Variants in NPAS3 observed in about 807,000 individuals in gnomAD.
NPAS3 encodes the protein neuronal PAS domain protein 3, also known as neuronal PAS domain-containing protein 3.
A neutral mutation model predicts 73.1 loss-of-function variants in NPAS3; 14 were observed. That is an observed-to-expected ratio of 0.19 (90% CI 0.13 to 0.30). The LOEUF is 0.30. Among genes scored for constraint, NPAS3 ranks in the 10% least tolerant of loss-of-function variants. The pLI, the probability that NPAS3 is intolerant of heterozygous loss-of-function variation, is 1.00. For synonymous variants in NPAS3, 620 were observed against 541.5 expected (o/e 1.14, Z -2.01); for missense variants, 1,096 against 1,250.0 (o/e 0.88, Z 1.86).
At chr14:33,728,663 T>C (rs2061331721) in intron 6 of NPAS3, among the ~76,000 whole-genome samples, 1 of 152,146 alleles carries the variant, frequency 6.6e-6, no homozygotes, top group Admixed American at 6.6e-5. Context: ...TAAAAGCCGT[T>C]ACCCGCTTCA....
intron 2 of NPAS3, among the ~76,000 whole-genome samples, chr14:33,146,391 G>C (rs184124487): frequency 6.6e-6 from 1 of 152,284 alleles, no homozygotes; most frequent in African/African-American, 2.4e-5. Context: ...TCCCCATCTT[G>C]AGGAAACTCT....
At position 33,794,810 on chromosome 14, in the gene NPAS3, C is replaced by A. The variant is rs184340812; in HGVS notation, c.1301+766C>A. Reference sequence around the variant, plus strand: ...CTAGCAGAAAAGTAACCAAGACCCACAGATTGGGCCATCTTGAGTTTGGGG... The same window carrying A: ...CTAGCAGAAAAGTAACCAAGACCCAAAGATTGGGCCATCTTGAGTTTGGGG... On this transcript the variant is annotated intron_variant, in intron 10 of 11. Coordinates refer to ENST00000356141, the Ensembl canonical transcript of NPAS3. 5.3e-5 allele frequency among the ~76,000 whole-genome samples: 8 copies of A among 152,274 alleles called. No individual in the cohort carries two copies. In the East Asian group the frequency reaches 1.4e-3, roughly 26 times the overall value.
At chr14:33,117,106 G>A (rs1595482811) in intron 2 of NPAS3, among the ~76,000 whole-genome samples, 1 of 151,800 alleles carries the variant, frequency 6.6e-6, no homozygotes, top group South Asian at 2.1e-4. Context: ...ATTTATGGGG[G>A]TACAATGTGA....
At chr14:33,611,846 A>T (rs1203766765) in intron 5 of NPAS3, among the ~76,000 whole-genome samples, 2 of 152,348 alleles carry the variant, frequency 1.3e-5, no homozygotes, top group African/African-American at 2.4e-5. Flanking sequence ...TATTTAACTC[A>T]TCATTTTCCT....
chr14:33,492,991 G>A (rs1355519697), intron 4 of NPAS3, among the ~76,000 whole-genome samples: 1 of 152,146 alleles, frequency 6.6e-6, no homozygotes, highest in East Asian at 1.9e-4. Context: ...CTCAGGATAT[G>A]CATTTTGTTT....
intron 4 of NPAS3, among the ~76,000 whole-genome samples, chr14:33,389,496 A>C (rs1389820939): frequency 6.6e-6 from 1 of 152,166 alleles, no homozygotes; most frequent in Non-Finnish European, 1.5e-5. Context: ...GTAGAACTAG[A>C]CACTTAGGTT....
rs181652266 is a variant in NPAS3 at position 33,450,152 on chromosome 14, A to G, written c.468+82884A>G. Among the ~76,000 whole-genome samples the G allele has an allele frequency of 3.2e-4, 49 of 152,314 alleles. 2 individuals carry two copies. Among genetic ancestry groups the G allele is most frequent in the Admixed American group, 2.9e-3 (44 of 15,294 alleles). Reference sequence around the variant, plus strand: ...TTCTTACAGGCAGTGCCACAATTTCATGTAAAGGACAGCTGGCTGCTCTTC... The same window carrying G: ...TTCTTACAGGCAGTGCCACAATTTCGTGTAAAGGACAGCTGGCTGCTCTTC... On this transcript the variant is annotated intron_variant, in intron 4 of 11. Coordinates refer to ENST00000356141, the Ensembl canonical transcript of NPAS3.
intron 2 of NPAS3, among the ~76,000 whole-genome samples, chr14:33,067,448 G>A (rs1001260748): frequency 6.6e-6 from 1 of 152,214 alleles, no homozygotes; most frequent in African/African-American, 2.4e-5. Context: ...CATAGAAATG[G>A]ATGAATGTCA....
chr14:33,307,805 G>A lies in NPAS3; in HGVS notation c.386-59381G>A, dbSNP rs76299532. ...CATTTCATCACTGAAGCATGCTGTT[G>A]TAGTTTAGTCCCTAATTACTCTCAG... is the stretch of plus-strand genomic sequence containing the variant. On this transcript the variant is annotated intron_variant, in intron 3 of 11. Coordinates refer to ENST00000356141, the Ensembl canonical transcript of NPAS3. Among the ~76,000 whole-genome samples, 369 of 152,188 alleles carry A rather than the reference G, an allele frequency of 2.4e-3. 2 individuals carry two copies. Among genetic ancestry groups the A allele is most frequent in the African/African-American group, 8.7e-3 (359 of 41,502 alleles).
chr14:33,088,469 A>G (rs1383861202), intron 2 of NPAS3, among the ~76,000 whole-genome samples: 1 of 152,190 alleles, frequency 6.6e-6, no homozygotes, highest in Non-Finnish European at 1.5e-5. Context: ...TCGAACTGCA[A>G]GGCAGGAGTG....
chr14:33,596,885 T>C (rs2057258174), intron 5 of NPAS3, among the ~76,000 whole-genome samples: 1 of 152,168 alleles, frequency 6.6e-6, no homozygotes, highest in Non-Finnish European at 1.5e-5. Flanking sequence ...TGAAGAAACA[T>C]GGGCCAGGCT....
chr14:33,785,868 CA>C (rs1250280824), intron 9 of NPAS3, among the ~76,000 whole-genome samples: 2 of 152,160 alleles, frequency 1.3e-5, no homozygotes, highest in Non-Finnish European at 2.9e-5. Flanking sequence ...AAGACTTGAT[CA>C]AAAGATCAAG....
intron 5 of NPAS3, among the ~76,000 whole-genome samples, chr14:33,603,764 G>T (rs2057470628): frequency 6.6e-6 from 1 of 152,078 alleles, no homozygotes; most frequent in Non-Finnish European, 1.5e-5. Flanking sequence ...CAACGGGAGT[G>T]AATATATTGA....
At chr14:33,663,832 A>G (rs2059378162) in intron 5 of NPAS3, among the ~76,000 whole-genome samples, 1 of 152,058 alleles carries the variant, frequency 6.6e-6, no homozygotes, top group Admixed American at 6.5e-5. Context: ...TTATTTGCAT[A>G]GAGGTGTTTA....
chr14:33,033,441 T>C (rs1287093391), intron 1 of NPAS3, among the ~76,000 whole-genome samples: 2 of 152,112 alleles, frequency 1.3e-5, no homozygotes, highest in African/African-American at 4.8e-5. Flanking sequence ...ATTGCGCCAC[T>C]GCACTCCAGC....
At position 33,405,884 on chromosome 14, in the gene NPAS3, T is replaced by G. The variant is rs578085827; in HGVS notation, c.468+38616T>G. On this transcript the variant is annotated intron_variant, in intron 4 of 11. Coordinates refer to ENST00000356141, the Ensembl canonical transcript of NPAS3. ...ATTATTTTTTCAGAGCTGTGTGTGT[T>G]AATTCAATGTCTTAATTGAGTCTAT... is the stretch of plus-strand genomic sequence containing the variant. Among the ~76,000 whole-genome samples the G allele has an allele frequency of 7.9e-5, 12 of 152,276 alleles. No individual in the cohort carries two copies. In the South Asian group the frequency reaches 2.3e-3, roughly 29 times the overall value.
intron 3 of NPAS3, among the ~76,000 whole-genome samples, chr14:33,338,391 G>A (rs375029334): frequency 1.8e-4 from 27 of 152,168 alleles, no homozygotes; most frequent in Middle Eastern, 3.4e-3. Context: ...CATAGAGATC[G>A]TTGTTGCTTT....
At chr14:33,763,081 G>T (rs2062347931) in intron 7 of NPAS3, among the ~76,000 whole-genome samples, 1 of 152,164 alleles carries the variant, frequency 6.6e-6, no homozygotes, top group Non-Finnish European at 1.5e-5. Flanking sequence ...CCTCGGGCAG[G>T]ACATTTCACC....
intron 3 of NPAS3, among the ~76,000 whole-genome samples, chr14:33,295,221 C>T (rs1468275584): frequency 7.2e-5 from 11 of 152,134 alleles, no homozygotes; most frequent in African/African-American, 7.2e-5. Context: ...AATTAGCCTA[C>T]GATAAAGTCA....
Sources: gnomAD v4.1 joint callset for allele counts (sites outside exome capture counted in the v4.1 genomes callset) on GRCh38, gnomAD v4.1.1 for gene constraint, MANE v1.5 for transcripts, NCBI Gene and HGNC (gene_info 2026-07-23, HGNC 2026-07-21) for gene names.